The following ROS1 variants were observed in gnomAD, a reference collection of about 807,000 sequenced individuals.
The protein encoded by ROS1 is ROS proto-oncogene 1, receptor tyrosine kinase.
Under a neutral mutation model 273.5 loss-of-function variants are expected in ROS1, and 263 were observed. The observed-to-expected ratio is 0.96, with a 90% CI of 0.87 to 1.06. The LOEUF (loss-of-function observed/expected upper bound fraction) is 1.06, where lower values mean the gene tolerates loss of function less well. ROS1 is among the 50% of genes least tolerant of loss of function. The pLI, the probability that ROS1 is intolerant of heterozygous loss-of-function variation, is 0.00. For missense variants in ROS1, 2,833 were observed against 2,751.1 expected, an observed-to-expected ratio of 1.03 and a Z score of -0.67; for synonymous variants, 1,008 against 954.1, an observed-to-expected ratio of 1.06 and a Z score of -1.04.
intron 43 of ROS1, among the ~76,000 whole-genome samples, chr6:117,296,241 A>C (rs929177985): frequency 2.6e-5 from 4 of 152,128 alleles, no homozygotes; most frequent in Non-Finnish European, 5.9e-5. Flanking sequence ...CTACTAAAAA[A>C]AATACAAAAA....
At chr6:117,337,797 G>A (rs549299398) in intron 31 of ROS1, among the ~76,000 whole-genome samples, 4 of 152,034 alleles carry the variant, frequency 2.6e-5, no homozygotes, top group Admixed American at 6.6e-5. Flanking sequence ...TGATAAAGAA[G>A]TCCACAGTGA....
Position 117,403,175 on chromosome 6 carries a change from G to T in ROS1, c.568C>A (p.Pro190Thr). The T allele has an allele frequency of 2.5e-6, 4 of 1,613,678 alleles. No homozygotes were observed. Among genetic ancestry groups the T allele is most frequent in the Non-Finnish European group, 3.4e-6 (4 of 1,179,896 alleles). Reference sequence around the variant, plus strand: ...TGAGTCCTGTAACTGGGACTTGGAGGGGAGTAGAGCTGCAGCTGCGCTGTG... The same window carrying T: ...TGAGTCCTGTAACTGGGACTTGGAGTGGAGTAGAGCTGCAGCTGCGCTGTG... ...IFTAQLQLYS[P>T]PSPSYRTHPH... The change falls in exon 7 of 44, where the codon CCT (proline) becomes ACT (threonine). Residue 190 changes from proline (P) to threonine (T), a missense_variant. Physicochemically the swap from Pro to Thr is conservative, Grantham distance 38. Transcript: ENST00000368507.
At chr6:117,319,724 A>T (rs1776153831) in intron 37 of ROS1, 144 bp downstream of exon 37, 2 of 660,248 alleles carry the variant, frequency 3.0e-6, no homozygotes, top group African/African-American at 1.8e-5. Context: ...TTTAAATGTG[A>T]TTTCTGTAGC....
rs558225059 is a variant in ROS1 at position 117,324,472 on chromosome 6, A to C, written c.5540-57T>G. The C allele has an allele frequency of 5.0e-4, 400 of 806,544 alleles. 6 individuals are homozygous for C. The South Asian group carries it at 5.5e-3, about 11-fold the overall frequency. 50.0% of individuals were successfully genotyped at this position (806,544 alleles called of 1,614,324 possible). On this transcript the variant is annotated intron_variant, in intron 34 of 43. Coordinates refer to ENST00000368507, the MANE Select transcript of ROS1 (RefSeq NM_001378902.1). ...TCATAGATAAAAGCTAAGTTGCCCC[A>C]GCTCTACCTAAGCACACAGAGTAAT...
chr6:117,331,636 T>G (rs1777083344), intron 32 of ROS1, among the ~76,000 whole-genome samples: 1 of 152,132 alleles, frequency 6.6e-6, no homozygotes, highest in Non-Finnish European at 1.5e-5. Context: ...AGACTAACAG[T>G]GGACCTCTCA....
At chr6:117,308,602 T>C (rs1775294763) in intron 42 of ROS1, among the ~76,000 whole-genome samples, 192 bp downstream of exon 42, 2 of 152,164 alleles carry the variant, frequency 1.3e-5, no homozygotes, top group South Asian at 4.1e-4. Context: ...AAATATCATG[T>C]GTATATACAA....
chr6:117,339,981 G>C (rs938796518), intron 31 of ROS1, among the ~76,000 whole-genome samples: 2 of 152,108 alleles, frequency 1.3e-5, no homozygotes, highest in Admixed American at 6.6e-5. Context: ...TGAGAGGCTA[G>C]GGTGTCAATT....
chr6:117,405,687 G>A (rs1318006638), intron 5 of ROS1, among the ~76,000 whole-genome samples: 1 of 152,032 alleles, frequency 6.6e-6, no homozygotes. Flanking sequence ...AGGTAAAGTA[G>A]GTTTATGCTA....
chr6:117,317,196 G>A lies in ROS1; in HGVS notation c.6064C>T (p.Leu2022=), dbSNP rs1434062038. The A allele has an allele frequency of 6.2e-7, 1 of 1,613,416 alleles. No homozygotes were observed. Among genetic ancestry groups the A allele is most frequent in the Non-Finnish European group, 8.5e-7 (1 of 1,179,606 alleles). ...GTAAGAAGGTCTCCTCCCTCCATCA[G>A]TTCCAGGATAATGTATTGGGGTTCA... ...LNEPQYIILE[L]MEGGDLLTYL... Residue 2022 remains leucine, a synonymous_variant, in exon 39 of 44, where the codon CTG becomes TTG. Coordinates refer to ENST00000368507, the MANE Select transcript of ROS1 (RefSeq NM_001378902.1).
chr6:117,351,257 A>G (rs1360991299), intron 27 of ROS1, among the ~76,000 whole-genome samples: 1 of 152,206 alleles, frequency 6.6e-6, no homozygotes, highest in East Asian at 1.9e-4. Flanking sequence ...TAGGTGGGAC[A>G]CGACGGCTGG....
rs756112469 is a variant in ROS1, at chr6:117,344,245, G to C, written c.4321C>G (p.Leu1441Val). ...GTTGGTTCCACAGTGTCTGAAGCTAGAGACAGAAACGCTTTATCTAAAATA... is the reference window on the plus strand; with the variant it reads ...GTTGGTTCCACAGTGTCTGAAGCTACAGACAGAAACGCTTTATCTAAAATA... ...QPFPDKAFLSLASDTVEPTIL... is the reference protein window; with the variant it reads ...QPFPDKAFLSVASDTVEPTIL... Residue 1441 changes from leucine to valine, a missense_variant, in exon 28 of 44, where the codon CTA becomes GTA. Leu to Val is a conservative substitution (Grantham distance 32). Transcript: ENST00000368507. 9.9e-6 allele frequency: 16 copies of C among 1,613,498 alleles called. No individual in the cohort carries two copies. The highest frequency in any genetic ancestry group is 5.3e-5 in the African/African-American group (4 of 75,008).
chr6:117,409,789 A>G, intron 4 of ROS1, 147 bp from the exon 5 acceptor site: 1 of 663,258 alleles, frequency 1.5e-6, no homozygotes, highest in Non-Finnish European at 2.8e-6. Context: ...CGGAGTGCCT[A>G]ATACGCAAGT....
Position 117,288,306 on chromosome 6 carries a change from G to A in ROS1, c.*186C>T. On this transcript the variant is annotated 3_prime_UTR_variant, in exon 44 of 44. Coordinates refer to ENST00000368507, the MANE Select transcript of ROS1 (RefSeq NM_001378902.1). ...TCATAATTCTACTGAAAGTCAGGCAGCTGGTATGGGGATTGCTACAACTGA... is the reference window on the plus strand; with the variant it reads ...TCATAATTCTACTGAAAGTCAGGCAACTGGTATGGGGATTGCTACAACTGA... 1 of 593,916 alleles carries A rather than the reference G, an allele frequency of 1.7e-6. No individual in the cohort carries two copies. Among genetic ancestry groups the A allele is most frequent in the Non-Finnish European group, 2.9e-6 (1 of 339,846 alleles). The allele number at this position is 593,916 out of a possible 1,614,324, so 36.8% of individuals were successfully genotyped here.
intron 38 of ROS1, 105 bp from the exon 39 acceptor site, chr6:117,317,377 AC>A: frequency 1.5e-6 from 2 of 1,303,816 alleles, no homozygotes; most frequent in Non-Finnish European, 2.1e-6. Flanking sequence ...TTCCTTCAAA[AC>A]CCCTGACTTA....
intron 24 of ROS1, among the ~76,000 whole-genome samples, chr6:117,358,428 C>T (rs978861357): frequency 1.3e-5 from 2 of 152,056 alleles, no homozygotes; most frequent in African/African-American, 4.8e-5. Flanking sequence ...ATATGGTCCT[C>T]CTTGACTTCT....
rs1466317364 is a variant in ROS1, at chr6:117,389,570, A to G, written c.1566T>C (p.Asp522=). Residue 522 remains aspartate (D), a synonymous_variant, in exon 13 of 44, where the codon GAT becomes GAC. Transcript: ENST00000368507. The stretch of plus-strand genomic sequence containing the variant: ...CATCCTGTTGGAAAATGACCTTGCC[A>G]TCTGTGACAAGAAAGTCATTGTTTT... ...ACENNDFLVT[D]GKVIFQQDAL... The G allele has an allele frequency of 7.4e-6, 12 of 1,614,128 alleles. No individual in the cohort carries two copies. Among genetic ancestry groups the G allele is most frequent in the Non-Finnish European group, 9.3e-6 (11 of 1,180,048 alleles).
chr6:117,394,124 C>T (rs747934954), intron 11 of ROS1, 38 bp downstream of exon 11: 1 of 1,363,402 alleles, frequency 7.3e-7, no homozygotes, highest in Non-Finnish European at 1.0e-6. Flanking sequence ...ATCAGTATCA[C>T]TGTCTATCAC....
chr6:117,387,260 G>A (rs966703456), intron 14 of ROS1, among the ~76,000 whole-genome samples: 7 of 152,116 alleles, frequency 4.6e-5, no homozygotes, highest in East Asian at 3.8e-4. Context: ...CCTCTATAAC[G>A]GTGTCTTGAT....
intron 26 of ROS1, 68 bp from the exon 27 acceptor site, chr6:117,353,234 T>C (rs1562304954): frequency 1.7e-6 from 2 of 1,185,522 alleles, no homozygotes; most frequent in Non-Finnish European, 2.3e-6. Flanking sequence ...TCTAAAAATG[T>C]ATGAAATTTT....
Sources: gnomAD v4.1 joint callset for allele counts (sites outside exome capture counted in the v4.1 genomes callset) on GRCh38, gnomAD v4.1.1 for gene constraint, MANE v1.5 for transcripts, NCBI Gene and HGNC (gene_info 2026-07-23, HGNC 2026-07-21) for gene names.